WDR43: variants seen among roughly 807,000 people sequenced by gnomAD.
WDR43 encodes the protein WD repeat-containing protein 43.
Under a neutral mutation model 91.4 loss-of-function variants are expected in WDR43, and 13 were observed. The observed-to-expected ratio is 0.14, with a 90% CI of 0.09 to 0.23. The LOEUF is 0.23. WDR43 is among the 10% of genes least tolerant of loss of function. The pLI is 1.00. For synonymous variants in WDR43, 331 were observed against 287.9 expected (o/e 1.15, Z -1.51); for missense variants, 780 against 809.4 (o/e 0.96, Z 0.44).
In WDR43 at chr2:28,940,206, G is replaced by A. The variant is rs139718792; in HGVS notation, c.1621-1255G>A. Among the ~76,000 whole-genome samples, 580 of 151,722 alleles carry A rather than the reference G, an allele frequency of 3.8e-3. 6 individuals are homozygous for A. The highest frequency in any genetic ancestry group is 0.013 in the African/African-American group (546 of 41,420). On this transcript the variant is annotated intron_variant, in intron 14 of 17. Coordinates refer to ENST00000407426, the MANE Select transcript of WDR43 (RefSeq NM_015131.3). ...GAATATCACGGGGGTAGGGGGTGAG[G>A]TGGGGAAGCCAGCGTTGTTCTTTTT... is the stretch of plus-strand genomic sequence containing the variant.
At chr2:28,900,325 C>G (rs12616009) in intron 1 of WDR43, among the ~76,000 whole-genome samples, 40,362 of 151,774 alleles carry the variant, frequency 0.27, 6,537 homozygotes, top group East Asian at 0.78. Flanking sequence ...GGATTACTAG[C>G]GCCCACCACC....
intron 11 of WDR43, among the ~76,000 whole-genome samples, chr2:28,931,294 C>A (rs1366574397): frequency 6.6e-6 from 1 of 152,114 alleles, no homozygotes; most frequent in Non-Finnish European, 1.5e-5. Flanking sequence ...GTTGGCCAGG[C>A]TGGTCTTGAA....
chr2:28,923,478 A>G (rs1329222294), intron 7 of WDR43, among the ~76,000 whole-genome samples: 2 of 152,080 alleles, frequency 1.3e-5, no homozygotes, highest in Non-Finnish European at 2.9e-5. Context: ...TTTTCAGAAA[A>G]CTTGCCAAAC....
At chr2:28,937,649 T>G (rs1009027883) in intron 13 of WDR43, among the ~76,000 whole-genome samples, 14 of 152,230 alleles carry the variant, frequency 9.2e-5, no homozygotes, top group Admixed American at 9.2e-4. Flanking sequence ...CAGTTAATTA[T>G]GAAGTAAAGC....
At chr2:28,904,283 G>A (rs991990067) in intron 2 of WDR43, among the ~76,000 whole-genome samples, 8 of 152,110 alleles carry the variant, frequency 5.3e-5, no homozygotes, top group African/African-American at 1.7e-4. Context: ...CCTACTAGTT[G>A]TATGATCATG....
intron 16 of WDR43, among the ~76,000 whole-genome samples, chr2:28,945,687 G>C (rs750699039): frequency 6.6e-6 from 1 of 152,184 alleles, no homozygotes; most frequent in Non-Finnish European, 1.5e-5. Context: ...CATTGTGCCT[G>C]TTATCAGTTT....
chr2:28,918,624 C>T (rs1159968646), intron 6 of WDR43, among the ~76,000 whole-genome samples: 1 of 152,162 alleles, frequency 6.6e-6, no homozygotes, highest in African/African-American at 2.4e-5. Context: ...CCACCTCAGC[C>T]TCCCAAAGTG....
intron 7 of WDR43, among the ~76,000 whole-genome samples, chr2:28,923,577 A>G (rs1344200847): frequency 2.6e-5 from 4 of 152,190 alleles, no homozygotes; most frequent in African/African-American, 9.7e-5. Flanking sequence ...TCTTGTTGTC[A>G]GTTGGCACCC....
chr2:28,908,247 C>T (rs1436122489), intron 3 of WDR43, among the ~76,000 whole-genome samples: 3 of 152,036 alleles, frequency 2.0e-5, no homozygotes, highest in East Asian at 1.9e-4. Context: ...GGTTTTTAGA[C>T]AAGTTGGCTT....
At chr2:28,913,578 T>C in intron 4 of WDR43, 1 of 467,314 alleles carries the variant, frequency 2.1e-6, no homozygotes, top group Non-Finnish European at 4.3e-6. Context: ...CAGCATTTAG[T>C]CCACTTACTG....
intron 5 of WDR43, among the ~76,000 whole-genome samples, chr2:28,914,703 G>A (rs928807279): frequency 6.6e-6 from 1 of 152,166 alleles, no homozygotes; most frequent in African/African-American, 2.4e-5. Flanking sequence ...GGCCGAGGCG[G>A]GCGGATCACG....
intron 7 of WDR43, 115 bp from the exon 8 acceptor site, chr2:28,924,867 A>G: frequency 8.1e-7 from 1 of 1,240,740 alleles, no homozygotes; most frequent in Non-Finnish European, 1.1e-6. Flanking sequence ...GTGACTCCTG[A>G]TGGCAGTATA....
intron 13 of WDR43, among the ~76,000 whole-genome samples, chr2:28,937,400 A>T (rs1247231523): frequency 6.8e-6 from 1 of 147,672 alleles, no homozygotes; most frequent in Non-Finnish European, 1.5e-5. Flanking sequence ...TAGATAGTAA[A>T]ATATGTAGTT....
chr2:28,917,969 T>C lies in WDR43; in HGVS notation c.823T>C (p.Leu275=), dbSNP rs777814185. The C allele has an allele frequency of 3.3e-5, 52 of 1,581,012 alleles. No individual in the cohort carries two copies. The highest frequency in any genetic ancestry group is 4.4e-5 in the Non-Finnish European group (51 of 1,162,726). The change falls in exon 6 of 18, where the codon TTA becomes CTA. Residue 275 remains leucine (L), a synonymous_variant. Coordinates refer to ENST00000407426, the MANE Select transcript of WDR43 (RefSeq NM_015131.3). Reference sequence around the variant, plus strand: ...TACCGATGAACCTGTCTATATTGACTTAACTTTGTCAGAAAACAAAGAAGA... The same window carrying C: ...TACCGATGAACCTGTCTATATTGACCTAACTTTGTCAGAAAACAAAGAAGA... The part of the protein sequence containing the change: ...TVTDEPVYID[L]TLSENKEEPV...
At chr2:28,918,342 G>GTGTGTGTA (rs1670956888) in intron 6 of WDR43, among the ~76,000 whole-genome samples, 1 of 138,512 alleles carries the variant, frequency 7.2e-6, no homozygotes, top group African/African-American at 2.6e-5. Context: ...GTGTGTGTGT[G>GTGTGTGTA]TGTATTTCTT....
At chr2:28,921,960 C>T (rs1030257365) in intron 6 of WDR43, among the ~76,000 whole-genome samples, 2 of 152,036 alleles carry the variant, frequency 1.3e-5, no homozygotes, top group Non-Finnish European at 2.9e-5. Flanking sequence ...GCTATCTTCC[C>T]GCCTCGGCCA....
intron 6 of WDR43, among the ~76,000 whole-genome samples, chr2:28,922,186 T>C (rs997526712): frequency 8.5e-5 from 13 of 152,262 alleles, no homozygotes; most frequent in African/African-American, 3.1e-4. Context: ...TTAATTGATA[T>C]ATTACAGTTG....
At chr2:28,927,899 C>T (rs1362321780) in intron 10 of WDR43, 199 bp downstream of exon 10, 1 of 746,760 alleles carries the variant, frequency 1.3e-6, no homozygotes, top group East Asian at 3.2e-5. Flanking sequence ...AAGATGGAAC[C>T]TTCAGTAACT....
chr2:28,920,039 A>G (rs931580978), intron 6 of WDR43, among the ~76,000 whole-genome samples: 1 of 151,654 alleles, frequency 6.6e-6, no homozygotes, highest in Non-Finnish European at 1.5e-5. Flanking sequence ...GGGTTTTGCC[A>G]TGTTGGCCAG....
Sources: allele counts gnomAD v4.1 joint callset (sites outside exome capture counted in the v4.1 genomes callset), GRCh38; gene constraint gnomAD v4.1.1; transcripts MANE v1.5; gene names NCBI Gene and HGNC (gene_info 2026-07-23, HGNC 2026-07-21).